Variants in PAPPA observed in about 807,000 individuals in gnomAD.
PAPPA encodes pappalysin 1.
In PAPPA, 60 loss-of-function variants were observed where a neutral mutation model predicts 164.0. The ratio of observed to expected loss-of-function variants is 0.37; its 90% CI spans 0.30 to 0.45. PAPPA has a LOEUF of 0.45. Among genes scored for constraint, PAPPA ranks in the 20% least tolerant of loss-of-function variants. PAPPA has a pLI of 1.00. For missense variants in PAPPA, 1,782 were observed against 2,087.3 expected (o/e 0.85, Z 2.85); for synonymous variants, 875 against 814.1 (o/e 1.07, Z -1.27).
chr9:116,187,933 G>C lies in PAPPA; in HGVS notation c.1195G>C (p.Glu399Gln). 6.2e-7 allele frequency: 1 copy of C among 1,614,174 alleles called. No individual in the cohort carries two copies. Among genetic ancestry groups the C allele is most frequent in the Non-Finnish European group, 8.5e-7 (1 of 1,180,038 alleles). Reference sequence around the variant, plus strand: ...CATCTCCTGGGAGCTGGACGTGCTGGAGGTGAGCAACTCCTCCCTTCGCCG... The same window carrying C: ...CATCTCCTGGGAGCTGGACGTGCTGCAGGTGAGCAACTCCTCCCTTCGCCG... Reference protein sequence around the residue: ...YNISWELDVLEVSNSSLRRRL... With the variant: ...YNISWELDVLQVSNSSLRRRL... The change falls in exon 2 of 22, where the codon GAG becomes CAG. Residue 399 changes from glutamate (E) to glutamine (Q), a missense_variant. Physicochemically the swap from Glu to Gln is conservative, Grantham distance 29. Coordinates refer to ENST00000328252, the MANE Select transcript of PAPPA (RefSeq NM_002581.5). The surrounding 1 kb of genome is among the most constrained non-coding windows in gnomAD (Gnocchi z 4.2).
intron 2 of PAPPA, among the ~76,000 whole-genome samples, chr9:116,193,101 A>G (rs1393624392): frequency 1.3e-5 from 2 of 151,976 alleles, no homozygotes; most frequent in South Asian, 2.1e-4. Flanking sequence ...CTTTATTATT[A>G]TTTGGGAATT....
chr9:116,196,156 T>C (rs1410815073), intron 2 of PAPPA, among the ~76,000 whole-genome samples: 2 of 152,148 alleles, frequency 1.3e-5, no homozygotes, highest in Non-Finnish European at 2.9e-5. Flanking sequence ...TACTCTATAT[T>C]CTCAAAGTTT....
chr9:116,174,470 C>T (rs1352712395), intron 1 of PAPPA, among the ~76,000 whole-genome samples: 1 of 152,098 alleles, frequency 6.6e-6, no homozygotes, highest in Non-Finnish European at 1.5e-5. Context: ...CATCATTTGA[C>T]TTGCCCATGT....
At chr9:116,317,891 A>G (rs1183830559) in intron 10 of PAPPA, among the ~76,000 whole-genome samples, 3 of 152,212 alleles carry the variant, frequency 2.0e-5, no homozygotes, top group Non-Finnish European at 4.4e-5. Context: ...TCTGATCTAG[A>G]ATTCATGACA....
intron 7 of PAPPA, among the ~76,000 whole-genome samples, chr9:116,239,021 GA>G (rs1326763019): frequency 6.6e-6 from 1 of 152,036 alleles, no homozygotes; most frequent in East Asian, 1.9e-4. Context: ...AGAGGAGAGG[GA>G]AAAAATGCTT....
intron 10 of PAPPA, among the ~76,000 whole-genome samples, chr9:116,308,748 A>C (rs1845678508): frequency 6.6e-6 from 1 of 152,186 alleles, no homozygotes; most frequent in South Asian, 2.1e-4. Context: ...ACTGCCCTAC[A>C]ATTTTTGCCT....
intron 1 of PAPPA, among the ~76,000 whole-genome samples, chr9:116,179,382 G>A (rs574892571): frequency 1.3e-5 from 2 of 152,280 alleles, no homozygotes; most frequent in Admixed American, 1.3e-4. Flanking sequence ...CACTTGCATG[G>A]CCAACACATG....
At chr9:116,306,259 C>T (rs181837406) in intron 10 of PAPPA, among the ~76,000 whole-genome samples, 190 of 152,330 alleles carry the variant, frequency 1.2e-3, no homozygotes, top group Middle Eastern at 3.4e-3. Context: ...CTATCAAAGG[C>T]ACATTCTTAT....
chr9:116,180,897 G>A (rs1381372045), intron 1 of PAPPA, among the ~76,000 whole-genome samples: 2 of 152,050 alleles, frequency 1.3e-5, no homozygotes, highest in African/African-American at 4.8e-5. Context: ...TTTAGGCAGG[G>A]GACCTCGCCT....
chr9:116,330,843 T>A (rs1277686513), intron 10 of PAPPA, among the ~76,000 whole-genome samples: 1 of 152,118 alleles, frequency 6.6e-6, no homozygotes, highest in African/African-American at 2.4e-5. Context: ...AACCATTTGA[T>A]CACAACTTAA....
intron 19 of PAPPA, among the ~76,000 whole-genome samples, chr9:116,368,434 C>T (rs1164398244): frequency 6.6e-6 from 1 of 152,202 alleles, no homozygotes; most frequent in Non-Finnish European, 1.5e-5. Flanking sequence ...AAGGCTTGAA[C>T]CCAAACCTGA....
chr9:116,330,574 A>G (rs1255604247), intron 10 of PAPPA, among the ~76,000 whole-genome samples: 1 of 151,982 alleles, frequency 6.6e-6, no homozygotes, highest in Admixed American at 6.6e-5. Context: ...TTTGGTATTT[A>G]CTATCATTGA....
chr9:116,162,844 T>C (rs139171769), intron 1 of PAPPA, among the ~76,000 whole-genome samples: 177 of 152,300 alleles, frequency 1.2e-3, no homozygotes, highest in African/African-American at 3.6e-3. Flanking sequence ...TGCCTTTTCC[T>C]CCCTTACAAC....
chr9:116,395,886 A>G (rs1224308916), intron 21 of PAPPA, among the ~76,000 whole-genome samples: 1 of 152,202 alleles, frequency 6.6e-6, no homozygotes, highest in Non-Finnish European at 1.5e-5. Context: ...CAGTATGTGC[A>G]GAGACTTATG....
In PAPPA at chr9:116,187,962, C is replaced by G. The variant is rs375676343; in HGVS notation, c.1224C>G (p.Arg408=). The part of the protein sequence containing the change: ...LEVSNSSLRR[R]LILANCDISK... ...TGAGCAACTCCTCCCTTCGCCGCCGCCTCATCCTGGCCAACTGTGACATCA... is the reference window on the plus strand; with the variant it reads ...TGAGCAACTCCTCCCTTCGCCGCCGGCTCATCCTGGCCAACTGTGACATCA... The change falls in exon 2 of 22, where the codon CGC becomes CGG. Residue 408 remains arginine (R), a synonymous_variant. Coordinates refer to ENST00000328252, the MANE Select transcript of PAPPA (RefSeq NM_002581.5). The surrounding 1 kb of genome is among the most constrained non-coding windows in gnomAD (Gnocchi z 4.2). 3 of 1,614,094 alleles carry G rather than the reference C, an allele frequency of 1.9e-6. No homozygotes were observed. The African/African-American group carries it at 4.0e-5, about 22-fold the overall frequency.
chr9:116,156,883 G>C (rs1366387853), intron 1 of PAPPA, among the ~76,000 whole-genome samples: 1 of 152,266 alleles, frequency 6.6e-6, no homozygotes, highest in Non-Finnish European at 1.5e-5. Flanking sequence ...GGGAGAGCCA[G>C]GACCGAGGTG....
intron 1 of PAPPA, among the ~76,000 whole-genome samples, chr9:116,170,666 C>T (rs575860716): frequency 2.0e-5 from 3 of 150,868 alleles, no homozygotes; most frequent in Non-Finnish European, 4.4e-5. Flanking sequence ...TCCATCCACC[C>T]TTCCATCAAT....
intron 9 of PAPPA, among the ~76,000 whole-genome samples, chr9:116,291,832 T>A (rs1845440720): frequency 6.6e-6 from 1 of 151,458 alleles, no homozygotes; most frequent in East Asian, 1.9e-4. Flanking sequence ...TTTATTTTAT[T>A]TATTTTAAAT....
chr9:116,378,846 TG>T (rs1301917095), intron 20 of PAPPA, among the ~76,000 whole-genome samples: 2 of 152,224 alleles, frequency 1.3e-5, no homozygotes, highest in Admixed American at 1.3e-4. Flanking sequence ...CCCTGATCTG[TG>T]TCACAAGACA....
Sources: gnomAD v4.1 joint callset for allele counts (sites outside exome capture counted in the v4.1 genomes callset) on GRCh38, gnomAD v4.1.1 for gene constraint, Gnocchi (gnomAD v3.1) non-coding constraint, MANE v1.5 for transcripts, NCBI Gene and HGNC (gene_info 2026-07-23, HGNC 2026-07-21) for gene names.